SPIDR: variants seen among roughly 807,000 people sequenced by gnomAD.
SPIDR encodes the protein DNA repair-scaffolding protein.
A neutral mutation model predicts 104.6 loss-of-function variants in SPIDR; 93 were observed. The ratio of observed to expected loss-of-function variants is 0.89; its 90% CI spans 0.75 to 1.06. The LOEUF (loss-of-function observed/expected upper bound fraction) is 1.06. Among genes scored for constraint, SPIDR ranks in the 50% least tolerant of loss-of-function variants. The pLI is 0.00. For missense variants in SPIDR, 1,154 were observed against 1,111.2 expected (o/e 1.04, Z -0.55); for synonymous variants, 431 against 416.9 (o/e 1.03, Z -0.41).
chr8:47,582,827 T>TACACAC (rs72295566), intron 8 of SPIDR, among the ~76,000 whole-genome samples: 1,333 of 130,238 alleles, frequency 0.01, 12 homozygotes, highest in Non-Finnish European at 0.016. Context: ...AACAACAAAT[T>TACACAC]ACACACACAC....
chr8:47,585,897 C>T (rs1482664004), intron 8 of SPIDR, among the ~76,000 whole-genome samples: 1 of 152,132 alleles, frequency 6.6e-6, no homozygotes, highest in Non-Finnish European at 1.5e-5. Flanking sequence ...CTTTAAGGCT[C>T]CACCTCTCAA....
chr8:47,332,963 T>A (rs996860258), intron 5 of SPIDR, among the ~76,000 whole-genome samples: 4 of 149,692 alleles, frequency 2.7e-5, no homozygotes, highest in African/African-American at 5.0e-5. Flanking sequence ...CTGTTCACTC[T>A]GATGGTAGTT....
At chr8:47,568,743 C>T (rs143845948) in intron 8 of SPIDR, among the ~76,000 whole-genome samples, 7 of 152,234 alleles carry the variant, frequency 4.6e-5, no homozygotes, top group East Asian at 3.9e-4. Flanking sequence ...AAAACATCCC[C>T]GCCAAAAGGA....
chr8:47,592,591 G>C, intron 8 of SPIDR: 1 of 1,244,444 alleles, frequency 8.0e-7, no homozygotes, highest in South Asian at 1.3e-5. Context: ...TGATGATCCT[G>C]CGGGGCAGCC....
At chr8:47,394,509 G>C (rs1251039026) in intron 5 of SPIDR, among the ~76,000 whole-genome samples, 1 of 152,198 alleles carries the variant, frequency 6.6e-6, no homozygotes, top group Non-Finnish European at 1.5e-5. Context: ...AGACCTTTTT[G>C]ATTGTCCTGA....
chr8:47,471,649 T>G (rs2154358017), intron 8 of SPIDR, among the ~76,000 whole-genome samples: 1 of 152,338 alleles, frequency 6.6e-6, no homozygotes, highest in African/African-American at 2.4e-5. Flanking sequence ...TTATATAACA[T>G]CATGTATATA....
At chr8:47,626,260 T>C (rs926077091) in intron 10 of SPIDR, among the ~76,000 whole-genome samples, 5 of 152,148 alleles carry the variant, frequency 3.3e-5, no homozygotes, top group Admixed American at 1.3e-4. Flanking sequence ...AAGACTTACA[T>C]GTTAGACCTA....
intron 5 of SPIDR, among the ~76,000 whole-genome samples, chr8:47,303,589 C>A (rs1258989003): frequency 6.6e-6 from 1 of 152,192 alleles, no homozygotes; most frequent in South Asian, 2.1e-4. Context: ...CTTGGCTCCA[C>A]CCCTTTCCAT....
At position 47,735,162 on chromosome 8, in the gene SPIDR, C is replaced by T. The variant is rs2086073513; in HGVS notation, c.2605-145C>T. On this transcript the variant is annotated intron_variant, in intron 19 of 19. Coordinates refer to ENST00000297423, the MANE Select transcript of SPIDR (RefSeq NM_001080394.4). The stretch of plus-strand genomic sequence containing the variant: ...GTGGCTCTTCATTTGTTTCTCCTTC[C>T]TACCACTGTTCTCAGCCATTTGAGG... 4 of 706,628 alleles carry T rather than the reference C, an allele frequency of 5.7e-6. No homozygotes were observed. The African/African-American group carries it at 7.1e-5, about 12-fold the overall frequency. The allele number at this position is 706,628 out of a possible 1,614,324, so 43.8% of individuals were successfully genotyped here. A position where few individuals can be genotyped will look rare whatever the true frequency, so the allele number is the denominator to read the frequency against.
intron 5 of SPIDR, among the ~76,000 whole-genome samples, chr8:47,327,871 G>C (rs2047953183): frequency 6.6e-6 from 1 of 151,734 alleles, no homozygotes; most frequent in African/African-American, 2.4e-5. Context: ...CCTGATTTTT[G>C]TATTTTTGTA....
intron 19 of SPIDR, among the ~76,000 whole-genome samples, chr8:47,735,083 AATGGGTGT>A (rs1355971115): frequency 6.7e-6 from 1 of 149,800 alleles, no homozygotes; most frequent in Non-Finnish European, 1.5e-5. Context: ...TGCTAAAATA[AATGGGTGT>A]GTGGGTGTGT....
intron 5 of SPIDR, among the ~76,000 whole-genome samples, chr8:47,347,356 T>C (rs2052344307): frequency 6.6e-6 from 1 of 152,234 alleles, no homozygotes; most frequent in Non-Finnish European, 1.5e-5. Context: ...TGCGGAGTGC[T>C]TTACTTCCGA....
chr8:47,432,949 A>G (rs150212338), intron 7 of SPIDR, among the ~76,000 whole-genome samples: 2,226 of 152,284 alleles, frequency 0.015, 165 homozygotes, highest in Admixed American at 0.12. Context: ...GTGCCAGACT[A>G]TTGTAGTAAC....
intron 8 of SPIDR, among the ~76,000 whole-genome samples, chr8:47,532,171 G>A (rs2086136813): frequency 6.7e-6 from 1 of 150,164 alleles, no homozygotes; most frequent in East Asian, 2.0e-4. Flanking sequence ...CCAGGTTCAA[G>A]CAATTCTCCT....
intron 7 of SPIDR, chr8:47,419,300 G>C (rs1174840687): frequency 1.3e-5 from 2 of 152,208 alleles, no homozygotes; most frequent in East Asian, 1.9e-4. Context: ...TTCAGAGCCT[G>C]TTATTGGTCT....
At chr8:47,567,924 A>G (rs1279474580) in intron 8 of SPIDR, among the ~76,000 whole-genome samples, 1 of 151,062 alleles carries the variant, frequency 6.6e-6, no homozygotes, top group Non-Finnish European at 1.5e-5. Context: ...AGCTGGGACC[A>G]TAGGCATGTG....
intron 7 of SPIDR, among the ~76,000 whole-genome samples, chr8:47,419,712 G>A (rs1375397172): frequency 6.6e-6 from 1 of 152,054 alleles, no homozygotes; most frequent in Admixed American, 6.6e-5. Context: ...TGTGATGTTA[G>A]GGTGTTAATT....
At chr8:47,426,237 G>A (rs2066390655) in intron 7 of SPIDR, among the ~76,000 whole-genome samples, 1 of 152,166 alleles carries the variant, frequency 6.6e-6, no homozygotes, top group Non-Finnish European at 1.5e-5. Context: ...CTGGGCAACA[G>A]GGCGAGACAC....
chr8:47,589,287 G>A (rs571709127), intron 8 of SPIDR, among the ~76,000 whole-genome samples: 4 of 152,082 alleles, frequency 2.6e-5, no homozygotes, highest in African/African-American at 4.8e-5. Flanking sequence ...TTGGGAGGCC[G>A]AGGGCGGCGG....
Sources: gnomAD v4.1 joint callset for allele counts (sites outside exome capture counted in the v4.1 genomes callset) on GRCh38, gnomAD v4.1.1 for gene constraint, MANE v1.5 for transcripts, NCBI Gene and HGNC (gene_info 2026-07-23, HGNC 2026-07-21) for gene names.